FSHR: variants seen among roughly 807,000 people sequenced by gnomAD.
The protein encoded by FSHR is follicle-stimulating hormone receptor.
FSHR carries 46 observed loss-of-function variants against 52.1 expected under a neutral mutation model. The ratio of observed to expected loss-of-function variants is 0.88; its 90% CI spans 0.70 to 1.13. The LOEUF is 1.13. FSHR is among the 50% of genes most tolerant of loss of function. The pLI is 0.00. For synonymous variants in FSHR, 399 were observed against 309.6 expected (o/e 1.29, Z -3.03); for missense variants, 964 against 834.6 (o/e 1.16, Z -1.91).
At chr2:49,038,231 C>T (rs1305012873) in intron 2 of FSHR, among the ~76,000 whole-genome samples, 1 of 151,990 alleles carries the variant, frequency 6.6e-6, no homozygotes, top group African/African-American at 2.4e-5. Context: ...TTTTCTTCAA[C>T]AAGAAGAAAA....
chr2:49,075,194 C>T (rs185834645), intron 1 of FSHR, among the ~76,000 whole-genome samples: 14 of 152,106 alleles, frequency 9.2e-5, no homozygotes, highest in African/African-American at 2.4e-4. Context: ...TTGACGTTCC[C>T]AACACAAATA....
intron 4 of FSHR, among the ~76,000 whole-genome samples, chr2:49,007,137 G>A (rs962170102): frequency 6.6e-6 from 1 of 152,076 alleles, no homozygotes; most frequent in Non-Finnish European, 1.5e-5. Context: ...CCATGCACAT[G>A]GCTACCATAA....
chr2:49,087,070 G>GATTTTTTTT (rs60949511), intron 1 of FSHR, among the ~76,000 whole-genome samples: 11 of 86,728 alleles, frequency 1.3e-4, no homozygotes, highest in African/African-American at 4.3e-4. Flanking sequence ...TGTGGGCAGG[G>GATTTTTTTT]TTTTTTTTTT....
intron 1 of FSHR, among the ~76,000 whole-genome samples, chr2:49,089,088 C>T (rs1383643254): frequency 3.6e-5 from 4 of 110,648 alleles, no homozygotes; most frequent in Non-Finnish European, 5.8e-5. Flanking sequence ...TATCCAAATT[C>T]ACTTCTAATA....
chr2:48,986,635 C>T (rs375784513), intron 6 of FSHR, among the ~76,000 whole-genome samples: 17 of 152,320 alleles, frequency 1.1e-4, no homozygotes, highest in African/African-American at 3.8e-4. Flanking sequence ...AAGAAAACTC[C>T]TTTCCTGAAA....
chr2:48,976,428 G>C (rs1281313577), intron 8 of FSHR, among the ~76,000 whole-genome samples: 2 of 152,182 alleles, frequency 1.3e-5, no homozygotes, highest in Admixed American at 6.5e-5. Context: ...GTTCATCAGG[G>C]ATATTGGCCT....
intron 2 of FSHR, among the ~76,000 whole-genome samples, chr2:49,065,790 A>G (rs1026319059): frequency 1.3e-5 from 2 of 152,020 alleles, no homozygotes; most frequent in South Asian, 2.1e-4. Context: ...ACCCTAGAAT[A>G]CCTAAATTTT....
intron 2 of FSHR, 113 bp from the exon 3 acceptor site, chr2:49,020,273 C>T: frequency 1.1e-6 from 1 of 893,918 alleles, no homozygotes; most frequent in South Asian, 1.4e-5. Flanking sequence ...CACAAAACTC[C>T]TTTCCTGCCA....
At chr2:49,120,161 C>T (rs991260915) in intron 1 of FSHR, among the ~76,000 whole-genome samples, 70 of 152,274 alleles carry the variant, frequency 4.6e-4, no homozygotes, top group Admixed American at 3.5e-3. Context: ...ATCTCAGCTA[C>T]TCAGGAGGCT....
At chr2:48,997,423 G>C in intron 4 of FSHR, 1 of 982,700 alleles carries the variant, frequency 1.0e-6, no homozygotes, top group Non-Finnish European at 1.2e-6. Flanking sequence ...CTATCGGCTT[G>C]GCTGCAGATT....
At chr2:49,106,335 G>C (rs1293709808) in intron 1 of FSHR, among the ~76,000 whole-genome samples, 2 of 152,098 alleles carry the variant, frequency 1.3e-5, no homozygotes, top group Non-Finnish European at 2.9e-5. Flanking sequence ...GAAGGAGAGA[G>C]AGAGATAGAA....
chr2:48,962,528 TTTAA>T lies in FSHR; in HGVS notation c.*201_*204del, dbSNP rs1250353069. 16 of 595,464 alleles carry T rather than the reference TTTAA, an allele frequency of 2.7e-5. No homozygotes were observed. Among genetic ancestry groups the T allele is most frequent in the Non-Finnish European group, 4.4e-5 (15 of 337,506 alleles). The allele number at this position is 595,464 out of a possible 1,614,324, so 36.9% of individuals were successfully genotyped here. On this transcript the variant is annotated 3_prime_UTR_variant, in exon 10 of 10. Transcript: ENST00000406846. ...AAATATGTAATACAGTATTGCATTC[TTTAA>T]TTATTATTGTTGTTACTAATAATTC... is the stretch of plus-strand genomic sequence containing the variant.
At chr2:49,046,503 A>G (rs1668660161) in intron 2 of FSHR, among the ~76,000 whole-genome samples, 2 of 152,218 alleles carry the variant, frequency 1.3e-5, no homozygotes, top group Non-Finnish European at 2.9e-5. Flanking sequence ...GAATGATAGT[A>G]AGATTCTTAT....
chr2:49,003,730 C>T (rs1050679493), intron 4 of FSHR, among the ~76,000 whole-genome samples: 1 of 152,016 alleles, frequency 6.6e-6, no homozygotes. Flanking sequence ...AATGAATAAT[C>T]CTCCCTCCCT....
chr2:49,096,036 G>C (rs1232492626), intron 1 of FSHR, among the ~76,000 whole-genome samples: 1 of 152,160 alleles, frequency 6.6e-6, no homozygotes. Flanking sequence ...AATTAATGTA[G>C]CTGCATTAGC....
chr2:49,050,248 C>T (rs886910487), intron 2 of FSHR, among the ~76,000 whole-genome samples: 1 of 152,136 alleles, frequency 6.6e-6, no homozygotes, highest in Non-Finnish European at 1.5e-5. Context: ...TGCAACTTAA[C>T]AGCAAGCTCA....
chr2:49,122,056 C>A (rs1327149999), intron 1 of FSHR, among the ~76,000 whole-genome samples: 2 of 152,106 alleles, frequency 1.3e-5, no homozygotes, highest in Non-Finnish European at 2.9e-5. Context: ...GAATCAGAGC[C>A]CTTGCTGTAG....
chr2:49,006,794 G>A (rs1199551122), intron 4 of FSHR, among the ~76,000 whole-genome samples: 6 of 152,036 alleles, frequency 3.9e-5, no homozygotes, highest in African/African-American at 9.7e-5. Context: ...GCTGTCCATC[G>A]ATATCTCCTA....
At chr2:49,079,777 T>G (rs1670098531) in intron 1 of FSHR, among the ~76,000 whole-genome samples, 1 of 152,072 alleles carries the variant, frequency 6.6e-6, no homozygotes, top group South Asian at 2.1e-4. Context: ...ATTAAGACTT[T>G]AAAACTTTTA....
Sources: allele counts gnomAD v4.1 joint callset (sites outside exome capture counted in the v4.1 genomes callset), GRCh38; gene constraint gnomAD v4.1.1; transcripts MANE v1.5; gene names NCBI Gene and HGNC (gene_info 2026-07-23, HGNC 2026-07-21).